CRB1: variants seen among roughly 807,000 people sequenced by gnomAD.
CRB1 encodes the protein crumbs cell polarity complex component 1.
In CRB1, 83 loss-of-function variants were observed where a neutral mutation model predicts 120.0. The ratio of observed to expected loss-of-function variants is 0.69; its 90% CI spans 0.58 to 0.83. The LOEUF (loss-of-function observed/expected upper bound fraction) is 0.83. Among genes scored for constraint, CRB1 ranks in the 40% least tolerant of loss-of-function variants. The probability of loss-of-function intolerance (pLI) is 0.00; values close to 1 mark genes in which losing one functional copy is unlikely to be tolerated. For missense variants in CRB1, 1,699 were observed against 1,687.6 expected (o/e 1.01, Z -0.12); for synonymous variants, 625 against 612.5 (o/e 1.02, Z -0.30).
chr1:197,418,901 G>T (rs910815799), intron 5 of CRB1, among the ~76,000 whole-genome samples: 1 of 152,030 alleles, frequency 6.6e-6, no homozygotes, highest in Non-Finnish European at 1.5e-5. Context: ...ATAAAATTAC[G>T]CAATTTACAG....
Position 197,330,305 on chromosome 1 carries a change from G to T in CRB1, c.652+1302G>T, listed in dbSNP as rs377010871. 4.7e-4 allele frequency among the ~76,000 whole-genome samples: 72 copies of T among 152,146 alleles called. 2 individuals are homozygous for T. The South Asian group carries it at 0.015, about 31-fold the overall frequency. On this transcript the variant is annotated intron_variant, in intron 2 of 11. Transcript: ENST00000367400. Reference sequence around the variant, plus strand: ...TGTACTACTACACAACCTCCCAGACGTTCTACTTATAGCTTCTACCTTCTC... The same window carrying T: ...TGTACTACTACACAACCTCCCAGACTTTCTACTTATAGCTTCTACCTTCTC...
the CRB1 span, among the ~76,000 whole-genome samples, chr1:197,219,642 C>G: frequency 1.3e-5 from 2 of 152,240 alleles, no homozygotes; most frequent in Non-Finnish European, 2.9e-5. Flanking sequence ...ATTTCAAATG[C>G]AAATATCCTC....
chr1:197,247,784 T>G, the CRB1 span, among the ~76,000 whole-genome samples: 1 of 152,076 alleles, frequency 6.6e-6, no homozygotes, highest in Non-Finnish European at 1.5e-5. Context: ...TCAGTTTGTT[T>G]AGTCTGTAAA....
the CRB1 span, among the ~76,000 whole-genome samples, chr1:197,230,834 C>A: frequency 6.6e-6 from 1 of 152,130 alleles, no homozygotes; most frequent in Non-Finnish European, 1.5e-5. Flanking sequence ...GAGTTCTAGG[C>A]TAAATCTTGG....
chr1:197,353,430 C>G (rs905648270), intron 4 of CRB1, among the ~76,000 whole-genome samples: 1 of 152,170 alleles, frequency 6.6e-6, no homozygotes, highest in Non-Finnish European at 1.5e-5. Flanking sequence ...TAATTCTCAA[C>G]TGTAAATTGT....
intron 5 of CRB1, among the ~76,000 whole-genome samples, chr1:197,383,162 C>T (rs1327070909): frequency 6.6e-6 from 1 of 152,086 alleles, no homozygotes; most frequent in African/African-American, 2.4e-5. Context: ...CACCAGTTCA[C>T]CCTTCATCCC....
the CRB1 span, among the ~76,000 whole-genome samples, chr1:197,254,100 G>C: frequency 6.6e-6 from 1 of 151,988 alleles, no homozygotes; most frequent in Admixed American, 6.6e-5. Context: ...TTTACGGAGA[G>C]GCTAGATACA....
At chr1:197,218,516 C>T in the CRB1 span, among the ~76,000 whole-genome samples, 1 of 152,138 alleles carries the variant, frequency 6.6e-6, no homozygotes, top group South Asian at 2.1e-4. Context: ...CATTTTGGCC[C>T]ATAGGCCCTA....
intron 1 of CRB1, among the ~76,000 whole-genome samples, 156 bp from the exon 2 acceptor site, chr1:197,328,266 A>G (rs1371511838): frequency 6.6e-6 from 1 of 152,238 alleles, no homozygotes; most frequent in African/African-American, 2.4e-5. Context: ...TGTGCTAGGT[A>G]TAGTAATGTA....
chr1:197,471,359 C>T (rs780043323), intron 11 of CRB1, among the ~76,000 whole-genome samples: 43 of 152,142 alleles, frequency 2.8e-4, no homozygotes, highest in African/African-American at 9.2e-4. Flanking sequence ...TGGAGGGGGC[C>T]GTAGCTCACC....
At chr1:197,230,853 T>A in the CRB1 span, among the ~76,000 whole-genome samples, 1,017 of 152,278 alleles carry the variant, frequency 6.7e-3, 8 homozygotes, top group African/African-American at 0.023. Flanking sequence ...GGCTTTGCAA[T>A]TGATTAATCA....
upstream of CRB1, among the ~76,000 whole-genome samples, chr1:197,265,379 T>G (rs1654609765): frequency 6.6e-6 from 1 of 151,564 alleles, no homozygotes; most frequent in Non-Finnish European, 1.5e-5. Context: ...TTGTCCTCCC[T>G]TCCTTCATTT....
intron 3 of CRB1, among the ~76,000 whole-genome samples, chr1:197,347,061 A>G (rs955038726): frequency 7.9e-5 from 12 of 152,216 alleles, no homozygotes; most frequent in Non-Finnish European, 1.6e-4. Context: ...TGTCACAATA[A>G]CCTTGTAATA....
At chr1:197,332,175 A>C (rs1051740632) in intron 2 of CRB1, among the ~76,000 whole-genome samples, 11 of 152,118 alleles carry the variant, frequency 7.2e-5, no homozygotes, top group African/African-American at 2.4e-4. Context: ...ACAAACAAAA[A>C]AAACAGCTAG....
chr1:197,356,999 A>G lies in CRB1; in HGVS notation c.1157A>G (p.Gln386Arg). ...GCCTCAGGTTATGTCTGTATCTGTC[A>G]GCCTGGATTCACAGGTGAGGCCAAG... ...HEASGYVCIC[Q>R]PGFTGIHCEE... Residue 386 changes from glutamine to arginine, a missense_variant, in exon 5 of 12, where the codon CAG becomes CGG. Physicochemically the swap from Gln to Arg is conservative, Grantham distance 43. Coordinates refer to ENST00000367400, the MANE Select transcript of CRB1 (RefSeq NM_201253.3). 2 of 1,614,210 alleles carry G rather than the reference A, an allele frequency of 1.2e-6. No homozygotes were observed. The highest frequency in any genetic ancestry group is 1.7e-6 in the Non-Finnish European group (2 of 1,180,030).
chr1:197,237,725 T>C, the CRB1 span, among the ~76,000 whole-genome samples: 3 of 152,204 alleles, frequency 2.0e-5, no homozygotes, highest in Non-Finnish European at 4.4e-5. Context: ...TTTCTGATAT[T>C]CACAATTCGT....
At chr1:197,253,104 T>C in the CRB1 span, among the ~76,000 whole-genome samples, 3 of 152,032 alleles carry the variant, frequency 2.0e-5, no homozygotes, top group Admixed American at 2.0e-4. Context: ...GTTGACTCTC[T>C]AAACTTTATG....
the CRB1 span, among the ~76,000 whole-genome samples, chr1:197,244,168 A>G: frequency 1.3e-5 from 2 of 152,056 alleles, no homozygotes; most frequent in African/African-American, 2.4e-5. Context: ...CATTTAGCCC[A>G]TTTACATTTA....
chr1:197,264,364 A>C (rs1571731742), upstream of CRB1, among the ~76,000 whole-genome samples: 1 of 152,318 alleles, frequency 6.6e-6, no homozygotes, highest in East Asian at 1.9e-4. Flanking sequence ...TTCTTTATCC[A>C]ATCATCCATT....
Sources: gnomAD v4.1 joint callset for allele counts (sites outside exome capture counted in the v4.1 genomes callset) on GRCh38, gnomAD v4.1.1 for gene constraint, MANE v1.5 for transcripts, NCBI Gene and HGNC (gene_info 2026-07-23, HGNC 2026-07-21) for gene names.